The following SNTG1 variants were observed in gnomAD, a reference collection of about 807,000 sequenced individuals.
SNTG1 encodes the protein gamma-1-syntrophin.
A neutral mutation model predicts 74.7 loss-of-function variants in SNTG1; 39 were observed. The observed-to-expected ratio is 0.52, with a 90% confidence interval of 0.40 to 0.68. The LOEUF (loss-of-function observed/expected upper bound fraction) is 0.68. SNTG1 is among the 30% of genes least tolerant of loss of function. SNTG1 has a pLI of 0.00. For synonymous variants in SNTG1, 254 were observed against 217.1 expected, an observed-to-expected ratio of 1.17 and a Z score of -1.49; for missense variants, 685 against 609.5, an observed-to-expected ratio of 1.12 and a Z score of -1.30.
At chr8:50,133,607 G>T (rs894446080) in intron 1 of SNTG1, among the ~76,000 whole-genome samples, 3 of 152,120 alleles carry the variant, frequency 2.0e-5, no homozygotes, top group Non-Finnish European at 4.4e-5. Flanking sequence ...GGTAGAAGCT[G>T]CCTCCTGGCC....
At chr8:50,227,820 G>A (rs1239427686) in intron 2 of SNTG1, among the ~76,000 whole-genome samples, 1 of 150,274 alleles carries the variant, frequency 6.7e-6, no homozygotes, top group African/African-American at 2.4e-5. Context: ...CCAATTCCTA[G>A]CCAAATTAAC....
rs398112456 is a variant in SNTG1 at position 50,464,966 on chromosome 8, A to AC, written c.363+14237_363+14238insC. On this transcript the variant is annotated intron_variant, in intron 8 of 18. Transcript: ENST00000642720. ...ACATGCTGTTGGAAAAAAAAAAAAA[A>AC]TGCTCTGATAGACTTTCTCCACACA... 5.9e-5 allele frequency among the ~76,000 whole-genome samples: 9 copies of AC among 151,482 alleles called. No homozygotes were observed. The East Asian group carries it at 1.4e-3, about 23-fold the overall frequency.
At chr8:50,200,980 T>C (rs2083964645) in intron 2 of SNTG1, among the ~76,000 whole-genome samples, 1 of 152,180 alleles carries the variant, frequency 6.6e-6, no homozygotes, top group African/African-American at 2.4e-5. Context: ...GCTTATGTTA[T>C]AAATCAAAGG....
chr8:50,526,659 ATAT>A (rs1367627792), intron 9 of SNTG1, among the ~76,000 whole-genome samples: 2 of 111,066 alleles, frequency 1.8e-5, no homozygotes, highest in East Asian at 2.3e-4. Flanking sequence ...ATATATATAT[ATAT>A]TTTTTTGAGA....
intron 2 of SNTG1, among the ~76,000 whole-genome samples, chr8:50,374,158 G>A (rs1178915588): frequency 6.6e-6 from 1 of 152,194 alleles, no homozygotes; most frequent in Non-Finnish European, 1.5e-5. Context: ...CTGTCTTTTA[G>A]GTGTTTGTGA....
In SNTG1 at chr8:50,123,295, T is replaced by A. The variant is rs372123451; in HGVS notation, c.-102-49266T>A. ...TGCATAAAAGCATAGATATTTAAAC[T>A]GCCAGACAGTTAATTTGAGAAAATG... On this transcript the variant is annotated intron_variant, in intron 1 of 18. Transcript: ENST00000642720. 4.6e-4 allele frequency among the ~76,000 whole-genome samples: 66 copies of A among 143,048 alleles called. 7 individuals are homozygous for A. The highest frequency in any genetic ancestry group is 1.6e-3 in the African/African-American group (63 of 39,610). The allele number at this position is 143,048 out of a possible 152,430, so 93.8% of individuals were successfully genotyped here.
intron 1 of SNTG1, among the ~76,000 whole-genome samples, chr8:50,039,477 A>C (rs1459532927): frequency 1.3e-5 from 2 of 150,946 alleles, no homozygotes; most frequent in African/African-American, 2.4e-5. Context: ...AAAAAAAAAA[A>C]AAAAAACTCA....
intron 2 of SNTG1, among the ~76,000 whole-genome samples, chr8:50,332,047 T>C (rs1486078711): frequency 6.6e-6 from 1 of 152,230 alleles, no homozygotes; most frequent in Non-Finnish European, 1.5e-5. Flanking sequence ...TGCTGTTAAG[T>C]AGTTGCAGAT....
intron 12 of SNTG1, 68 bp downstream of exon 12, chr8:50,553,247 G>A (rs2094437630): frequency 1.9e-6 from 3 of 1,573,698 alleles, no homozygotes; most frequent in South Asian, 2.2e-5. Context: ...CAGTATATAT[G>A]TAACTTCACA....
intron 2 of SNTG1, among the ~76,000 whole-genome samples, chr8:50,310,813 A>C (rs1441361162): frequency 6.6e-6 from 1 of 152,256 alleles, no homozygotes; most frequent in African/African-American, 2.4e-5. Context: ...TAGTATTGTG[A>C]GATAAGATAT....
At chr8:50,637,797 TTATC>T (rs528172306) in intron 13 of SNTG1, among the ~76,000 whole-genome samples, 89 of 152,242 alleles carry the variant, frequency 5.8e-4, no homozygotes, top group African/African-American at 2.0e-3. Flanking sequence ...ATACATATCT[TTATC>T]TGTATAAATA....
intron 18 of SNTG1, among the ~76,000 whole-genome samples, chr8:50,772,454 A>G (rs2095629589): frequency 6.6e-6 from 1 of 152,092 alleles, no homozygotes; most frequent in Non-Finnish European, 1.5e-5. Flanking sequence ...CTGTTATACT[A>G]TTTTATCTTG....
chr8:49,935,392 C>CTTT (rs35517917), intron 1 of SNTG1, among the ~76,000 whole-genome samples: 1,342 of 132,122 alleles, frequency 0.01, 24 homozygotes, highest in African/African-American at 0.036. Context: ...CCATTAATTC[C>CTTT]TTTTTTTTTT....
At chr8:50,177,891 C>A (rs1036898396) in intron 2 of SNTG1, among the ~76,000 whole-genome samples, 2 of 152,146 alleles carry the variant, frequency 1.3e-5, no homozygotes, top group African/African-American at 4.8e-5. Flanking sequence ...CATTCCTGAA[C>A]CCCTGGAAAC....
intron 1 of SNTG1, among the ~76,000 whole-genome samples, chr8:50,154,749 A>G (rs1000011442): frequency 3.3e-5 from 5 of 152,252 alleles, no homozygotes; most frequent in Non-Finnish European, 7.3e-5. Context: ...TATCAAGGTC[A>G]TAGAAAACAA....
At chr8:50,207,647 G>A (rs13278420) in intron 2 of SNTG1, among the ~76,000 whole-genome samples, 65,059 of 151,500 alleles carry the variant, frequency 0.43, 17,645 homozygotes, top group African/African-American at 0.78. Context: ...AGTTCTTTTA[G>A]TTGTGATATT....
intron 2 of SNTG1, among the ~76,000 whole-genome samples, chr8:50,379,052 A>T (rs973133149): frequency 6.6e-6 from 1 of 152,050 alleles, no homozygotes; most frequent in Non-Finnish European, 1.5e-5. Flanking sequence ...CATGGAGCCC[A>T]GGCTGTAGGT....
rs180754611 is a variant in SNTG1 at position 50,364,399 on chromosome 8, C to T, written c.-27-29813C>T. ...AGGAACCTGGGACTAAGACCAAATA[C>T]GGATTTCTATGACATCGTAATTTCA... On this transcript the variant is annotated intron_variant, in intron 2 of 18. Coordinates refer to ENST00000642720, the MANE Select transcript of SNTG1 (RefSeq NM_018967.5). 5.4e-4 allele frequency among the ~76,000 whole-genome samples: 82 copies of T among 152,258 alleles called. No individual in the cohort carries two copies. The Middle Eastern group carries it at 0.014, about 25-fold the overall frequency.
chr8:50,620,682 A>G (rs2094916927), intron 13 of SNTG1, among the ~76,000 whole-genome samples: 2 of 152,212 alleles, frequency 1.3e-5, no homozygotes, highest in Non-Finnish European at 1.5e-5. Flanking sequence ...GAACAAATAC[A>G]TATTTACAGG....
Sources: allele counts gnomAD v4.1 joint callset (sites outside exome capture counted in the v4.1 genomes callset), GRCh38; gene constraint gnomAD v4.1.1; transcripts MANE v1.5; gene names NCBI Gene and HGNC (gene_info 2026-07-23, HGNC 2026-07-21).